ZNF385D: variants seen among roughly 807,000 people sequenced by gnomAD.
ZNF385D encodes the protein zinc finger protein 659.
In ZNF385D, 15 loss-of-function variants were observed where a neutral mutation model predicts 35.8. That is an observed-to-expected ratio of 0.42 (90% CI 0.28 to 0.64). The LOEUF (loss-of-function observed/expected upper bound fraction) is 0.64, where lower values mean the gene tolerates loss of function less well. Ranked by LOEUF, ZNF385D falls within the 30% of genes least tolerant of loss-of-function variation. ZNF385D has a pLI of 0.23. For missense variants in ZNF385D, 474 were observed against 494.6 expected, an observed-to-expected ratio of 0.96 and a Z score of 0.39; for synonymous variants, 212 against 186.8, an observed-to-expected ratio of 1.13 and a Z score of -1.10.
intron 3 of ZNF385D, among the ~76,000 whole-genome samples, chr3:22,087,008 G>A (rs2695643): frequency 0.13 from 20,158 of 151,990 alleles, 1,585 homozygotes; most frequent in Middle Eastern, 0.23. Context: ...GGTGCAGGAC[G>A]CCAACATGGC....
chr3:21,830,228 C>CA (rs1308171059), intron 3 of ZNF385D, among the ~76,000 whole-genome samples: 6 of 152,188 alleles, frequency 3.9e-5, no homozygotes, highest in Non-Finnish European at 8.8e-5. Context: ...AACTGACACT[C>CA]TGTCTGTTAT....
chr3:22,212,450 C>T (rs1037968563), intron 2 of ZNF385D, among the ~76,000 whole-genome samples: 1 of 152,016 alleles, frequency 6.6e-6, no homozygotes. Context: ...CTCTGATCCA[C>T]CTGTTACAAA....
chr3:21,985,078 G>T (rs1241711867), intron 3 of ZNF385D, among the ~76,000 whole-genome samples: 1 of 141,060 alleles, frequency 7.1e-6, no homozygotes, highest in African/African-American at 2.6e-5. Flanking sequence ...TGAGACAATG[G>T]GGTTTTCTAG....
chr3:22,016,359 G>C (rs575100699), intron 3 of ZNF385D, among the ~76,000 whole-genome samples: 28 of 152,146 alleles, frequency 1.8e-4, no homozygotes, highest in African/African-American at 5.5e-4. Flanking sequence ...CTGAGGCTGC[G>C]AAACCTTGAC....
chr3:21,654,706 A>G (rs907119581), intron 2 of ZNF385D, among the ~76,000 whole-genome samples: 1 of 152,080 alleles, frequency 6.6e-6, no homozygotes, highest in African/African-American at 2.4e-5. Flanking sequence ...ATAGACTTAC[A>G]AAATATAGCC....
chr3:21,911,792 A>G (rs1699976829), intron 3 of ZNF385D, among the ~76,000 whole-genome samples: 1 of 151,968 alleles, frequency 6.6e-6, no homozygotes, highest in Admixed American at 6.6e-5. Flanking sequence ...GGAATTTATC[A>G]CACTTGAAAA....
At chr3:21,885,756 G>GTGTGTGTGTA (rs1486522163) in intron 3 of ZNF385D, among the ~76,000 whole-genome samples, 1 of 148,994 alleles carries the variant, frequency 6.7e-6, no homozygotes, top group African/African-American at 2.6e-5. Context: ...GTGTGTGTGT[G>GTGTGTGTGTA]TGTGTGTGTG....
chr3:22,342,527 C>T (rs1167722993), intron 2 of ZNF385D, among the ~76,000 whole-genome samples: 1 of 151,876 alleles, frequency 6.6e-6, no homozygotes, highest in African/African-American at 2.4e-5. Flanking sequence ...CATATATATC[C>T]CATAATCTCT....
At chr3:22,002,517 A>G (rs1695904326) in intron 3 of ZNF385D, among the ~76,000 whole-genome samples, 1 of 152,146 alleles carries the variant, frequency 6.6e-6, no homozygotes, top group Non-Finnish European at 1.5e-5. Flanking sequence ...AGAACTAACA[A>G]AAACTCTTCT....
At position 21,930,580 on chromosome 3, in the gene ZNF385D, A is replaced by C. The variant is rs77697229; in HGVS notation, c.325+238237T>G. On this transcript the variant is annotated intron_variant, in intron 3 of 5. Coordinates refer to the ZNF385D transcript ENST00000494108. Reference sequence around the variant, plus strand: ...AGAACTTATATTTATCAATTGTCAAAATTTTACTATAAAGCTACGATAATC... The same window carrying C: ...AGAACTTATATTTATCAATTGTCAACATTTTACTATAAAGCTACGATAATC... Among the ~76,000 whole-genome samples, 769 of 152,234 alleles carry C rather than the reference A, an allele frequency of 5.1e-3. 8 individuals carry two copies. The highest frequency in any genetic ancestry group is 0.018 in the African/African-American group (733 of 41,566).
At chr3:21,995,882 C>T (rs1268695965) in intron 3 of ZNF385D, among the ~76,000 whole-genome samples, 2 of 152,006 alleles carry the variant, frequency 1.3e-5, no homozygotes, top group African/African-American at 2.4e-5. Flanking sequence ...TCTCTTTGTC[C>T]TAGGGGCAGC....
rs563982380 is a variant in ZNF385D at position 22,185,624 on chromosome 3, C to A, written c.107-16589G>T. ...CTGGGATTACAGGCACCTGCCACCA[C>A]ACCCAGCTAATTTTTGTATTTTTAG... is the stretch of plus-strand genomic sequence containing the variant. On this transcript the variant is annotated intron_variant, in intron 2 of 5. Transcript: ENST00000494108. Among the ~76,000 whole-genome samples the A allele has an allele frequency of 4.6e-5, 7 of 152,248 alleles. No homozygotes were observed. In the South Asian group the frequency reaches 1.5e-3, roughly 32 times the overall value.
At chr3:22,266,842 G>C (rs1700921686) in intron 2 of ZNF385D, among the ~76,000 whole-genome samples, 1 of 151,904 alleles carries the variant, frequency 6.6e-6, no homozygotes, top group Non-Finnish European at 1.5e-5. Flanking sequence ...CCGAAGCAAA[G>C]TCATGTTCTC....
chr3:21,863,737 G>A (rs776880499), intron 3 of ZNF385D, among the ~76,000 whole-genome samples: 30 of 152,222 alleles, frequency 2.0e-4, no homozygotes, highest in African/African-American at 7.2e-4. Context: ...ATGTCAGTAC[G>A]ATTGATACAG....
intron 3 of ZNF385D, among the ~76,000 whole-genome samples, chr3:22,164,247 T>TTTTTTG (rs1348547943): frequency 3.2e-5 from 3 of 93,464 alleles, no homozygotes; most frequent in African/African-American, 1.2e-4. Flanking sequence ...TTTTTTTTTT[T>TTTTTTG]GAGACGGGGT....
chr3:22,022,147 T>C (rs1697258654), intron 3 of ZNF385D, among the ~76,000 whole-genome samples: 1 of 152,090 alleles, frequency 6.6e-6, no homozygotes, highest in Admixed American at 6.6e-5. Flanking sequence ...TAACCATAAA[T>C]ACATCACCTA....
chr3:21,962,882 T>C (rs1191506883), intron 3 of ZNF385D, among the ~76,000 whole-genome samples: 1 of 152,234 alleles, frequency 6.6e-6, no homozygotes, highest in Non-Finnish European at 1.5e-5. Context: ...CAAGACATCT[T>C]GGAGTCACCA....
rs1208417762 is a variant in ZNF385D, at chr3:21,961,661, T to C, written c.325+207156A>G. ...TTCATTGATTGTTACATTTCAATTG[T>C]TGAAAAACTGATTACCTAATATTTT... On this transcript the variant is annotated intron_variant, in intron 3 of 5. Transcript: ENST00000494108. 4.6e-5 allele frequency: 7 copies of C among 152,264 alleles called. No homozygotes were observed. In the East Asian group the frequency reaches 1.2e-3, roughly 25 times the overall value. The allele number at this position is 152,264 out of a possible 1,614,324, so 9.4% of individuals were successfully genotyped here.
rs189729453 is a variant in ZNF385D at position 22,151,248 on chromosome 3, C to T, written c.325+17569G>A. ...AGACACATTTGGATATGCTGGCTGACGGTGGTAGCACTATGCTGGCAGCTA... is the reference window on the plus strand; with the variant it reads ...AGACACATTTGGATATGCTGGCTGATGGTGGTAGCACTATGCTGGCAGCTA... On this transcript the variant is annotated intron_variant, in intron 3 of 5. Transcript: ENST00000494108. 6.6e-5 allele frequency among the ~76,000 whole-genome samples: 10 copies of T among 152,154 alleles called. No homozygotes were observed. The South Asian group carries it at 1.5e-3, about 22-fold the overall frequency.
Sources: gnomAD v4.1 joint callset for allele counts (sites outside exome capture counted in the v4.1 genomes callset) on GRCh38, gnomAD v4.1.1 for gene constraint, MANE v1.5 for transcripts, NCBI Gene and HGNC (gene_info 2026-07-23, HGNC 2026-07-21) for gene names.